The following FAM193A variants were observed in gnomAD, a reference collection of about 807,000 sequenced individuals.
FAM193A encodes protein FAM193A.
Under a neutral mutation model 126.5 loss-of-function variants are expected in FAM193A, and 22 were observed. The observed-to-expected ratio is 0.17, with a 90% CI of 0.12 to 0.25. The LOEUF (loss-of-function observed/expected upper bound fraction) is 0.25. FAM193A is among the 10% of genes least tolerant of loss of function. FAM193A has a pLI of 1.00. For synonymous variants in FAM193A, 761 were observed against 646.8 expected, an observed-to-expected ratio of 1.18 and a Z score of -2.68; for missense variants, 1,675 against 1,672.8, an observed-to-expected ratio of 1.00 and a Z score of -0.02.
intron 20 of FAM193A, among the ~76,000 whole-genome samples, chr4:2,717,502 A>G (rs572153238): frequency 2.6e-4 from 39 of 150,232 alleles, no homozygotes; most frequent in Non-Finnish European, 5.6e-4. Context: ...AGGCTGAGGC[A>G]GGAGAATTGC....
chr4:2,577,422 G>GTTTT (rs986931980), intron 1 of FAM193A, among the ~76,000 whole-genome samples: 3 of 115,536 alleles, frequency 2.6e-5, no homozygotes, highest in Non-Finnish European at 3.4e-5. Flanking sequence ...TTTTTTTTTT[G>GTTTT]TTTTTTTTTT....
At chr4:2,687,406 A>G (rs1304145757) in intron 13 of FAM193A, among the ~76,000 whole-genome samples, 1 of 152,210 alleles carries the variant, frequency 6.6e-6, no homozygotes, top group Middle Eastern at 3.2e-3. Context: ...ACAGATGAGA[A>G]AACTAAAGCA....
chr4:2,690,670 G>A (rs1433302364), intron 14 of FAM193A, 28 bp from the exon 15 acceptor site: 1 of 1,590,342 alleles, frequency 6.3e-7, no homozygotes, highest in South Asian at 1.1e-5. Flanking sequence ...GCTGTCAGAA[G>A]CCTTAATTTT....
intron 2 of FAM193A, among the ~76,000 whole-genome samples, chr4:2,599,792 A>C (rs1415179976): frequency 6.6e-6 from 1 of 150,546 alleles, no homozygotes; most frequent in Non-Finnish European, 1.5e-5. Flanking sequence ...GCTGGAGTGC[A>C]GTGGTGCAAT....
chr4:2,539,947 G>A (rs773058727), intron 1 of FAM193A, among the ~76,000 whole-genome samples: 6 of 151,550 alleles, frequency 4.0e-5, no homozygotes, highest in African/African-American at 1.2e-4. Context: ...GTGAAACCCC[G>A]TCTCTACTAA....
At chr4:2,694,261 T>G (rs1052057210) in intron 16 of FAM193A, among the ~76,000 whole-genome samples, 1 of 151,986 alleles carries the variant, frequency 6.6e-6, no homozygotes, top group African/African-American at 2.4e-5. Flanking sequence ...AACAGGTGTG[T>G]TTTTTTGTTT....
chr4:2,621,413 A>G (rs976472240), intron 2 of FAM193A, among the ~76,000 whole-genome samples: 17 of 152,328 alleles, frequency 1.1e-4, no homozygotes, highest in African/African-American at 2.4e-4. Flanking sequence ...CCAGAAGCCA[A>G]TCAGAGGCTC....
At chr4:2,691,087 A>G in intron 15 of FAM193A, 117 bp downstream of exon 15, 1 of 929,454 alleles carries the variant, frequency 1.1e-6, no homozygotes, top group South Asian at 1.7e-5. Flanking sequence ...CAGAGGCGTA[A>G]GTGTAATTAA....
At chr4:2,592,430 T>C (rs2108900712) in intron 1 of FAM193A, among the ~76,000 whole-genome samples, 1 of 152,320 alleles carries the variant, frequency 6.6e-6, no homozygotes, top group Middle Eastern at 3.4e-3. Flanking sequence ...ACTAGATTTC[T>C]GCTTCCAAGC....
In FAM193A at chr4:2,717,899, C is replaced by A. The variant is rs559288448; in HGVS notation, c.4454+1795C>A. 2.6e-4 allele frequency among the ~76,000 whole-genome samples: 39 copies of A among 152,074 alleles called. 1 individual carries two copies. The South Asian group carries it at 5.0e-3, about 19-fold the overall frequency. ...GAACTCCTGACCTCAGGTGATCCAC[C>A]CCCCCTTGGCCTCCCAAAGTCCTGG... is the stretch of plus-strand genomic sequence containing the variant. On this transcript the variant is annotated intron_variant, in intron 20 of 20. Coordinates refer to ENST00000637812, the MANE Select transcript of FAM193A (RefSeq NM_001366318.2).
intron 1 of FAM193A, among the ~76,000 whole-genome samples, chr4:2,550,825 G>A (rs1475553986): frequency 6.8e-6 from 1 of 147,310 alleles, no homozygotes; most frequent in Non-Finnish European, 1.5e-5. Flanking sequence ...ATTTAGAGAT[G>A]AGTCTTGCTC....
chr4:2,561,101 A>G (rs1375853938), intron 1 of FAM193A, among the ~76,000 whole-genome samples: 1 of 152,216 alleles, frequency 6.6e-6, no homozygotes, highest in Non-Finnish European at 1.5e-5. Flanking sequence ...TGTCCTTACA[A>G]CACCTTGCTG....
intron 13 of FAM193A, among the ~76,000 whole-genome samples, chr4:2,679,857 G>A (rs1289164600): frequency 2.0e-5 from 3 of 146,878 alleles, no homozygotes; most frequent in Non-Finnish European, 4.6e-5. Context: ...TCTTTATTGG[G>A]TGATTTTTTT....
chr4:2,652,837 G>A (rs1019688309), intron 7 of FAM193A, among the ~76,000 whole-genome samples: 2 of 152,210 alleles, frequency 1.3e-5, no homozygotes, highest in African/African-American at 4.8e-5. Flanking sequence ...AAATAGTATA[G>A]TTAGTGATAA....
rs1218441756 is a variant in FAM193A at position 2,561,326 on chromosome 4, TGC to T, written c.255+24158_255+24159del. Among the ~76,000 whole-genome samples, 3 of 150,826 alleles carry T rather than the reference TGC, an allele frequency of 2.0e-5. 1 individual carries two copies. The East Asian group carries it at 5.9e-4, about 30-fold the overall frequency. On this transcript the variant is annotated intron_variant, in intron 1 of 20. Coordinates refer to ENST00000637812, the MANE Select transcript of FAM193A (RefSeq NM_001366318.2). ...CCTCCTGAGTAGCTGGGAGTACAGG[TGC>T]GTACAACCATGCCCGGCTAATTTTT...
rs753783682 is a variant in FAM193A, at chr4:2,627,575, C to CTTT, written c.803+1016_803+1018dup. Among the ~76,000 whole-genome samples, 33 of 64,004 alleles carry CTTT rather than the reference C, an allele frequency of 5.2e-4. 2 individuals carry two copies. The highest frequency in any genetic ancestry group is 1.1e-3 in the African/African-American group (20 of 18,252). The allele number at this position is 64,004 out of a possible 152,430, so 42.0% of individuals were successfully genotyped here. On this transcript the variant is annotated intron_variant, in intron 4 of 20. Transcript: ENST00000637812. ...TTTTGAATGCAGCACATTTGGGAGG[C>CTTT]TTTTTTTTTTTTTTTTTTTTCAGAT...
intron 5 of FAM193A, among the ~76,000 whole-genome samples, chr4:2,632,820 A>C (rs1164186846): frequency 6.6e-6 from 1 of 152,084 alleles, no homozygotes; most frequent in East Asian, 1.9e-4. Context: ...TCTCTACCTG[A>C]GAGTCTGCCT....
Position 2,700,194 on chromosome 4 carries a change from G to A in FAM193A, c.4022G>A (p.Arg1341Lys), listed in dbSNP as rs749310388. 4 of 1,613,790 alleles carry A rather than the reference G, an allele frequency of 2.5e-6. No homozygotes were observed. The Admixed American group carries it at 6.7e-5, about 27-fold the overall frequency. The change falls in exon 19 of 21, where the codon AGG becomes AAG. Residue 1341 changes from arginine to lysine, a missense_variant. Arg to Lys is a conservative substitution (Grantham distance 26). Transcript: ENST00000637812. ...GAAGGAAATGGCAAGCAGAAGCTGA[G>A]GCAGACCAGCAAGGCCAGCAGCGAG... Reference protein sequence around the residue: ...HKEGNGKQKLRQTSKASSEPA... With the variant: ...HKEGNGKQKLKQTSKASSEPA...
intron 1 of FAM193A, among the ~76,000 whole-genome samples, chr4:2,560,365 T>G (rs1738536558): frequency 1.3e-5 from 2 of 152,318 alleles, no homozygotes; most frequent in South Asian, 4.1e-4. Flanking sequence ...AGGCTGTACC[T>G]TCCCTTCTGA....
Sources: gnomAD v4.1 joint callset for allele counts (sites outside exome capture counted in the v4.1 genomes callset) on GRCh38, gnomAD v4.1.1 for gene constraint, MANE v1.5 for transcripts, NCBI Gene and HGNC (gene_info 2026-07-23, HGNC 2026-07-21) for gene names.